SMIM7: variants seen among roughly 807,000 people sequenced by gnomAD.
SMIM7 encodes the protein UPF0608 protein C19orf42.
Under a neutral mutation model 13.3 loss-of-function variants are expected in SMIM7, and 12 were observed. The observed-to-expected ratio is 0.90, with a 90% confidence interval of 0.58 to 1.46. SMIM7 has a LOEUF of 1.46. Ranked by LOEUF, SMIM7 falls within the 40% of genes most tolerant of loss-of-function variation. SMIM7 has a pLI of 0.00. For missense variants in SMIM7, 114 were observed against 94.8 expected (o/e 1.20, Z -0.84); for synonymous variants, 36 against 35.8 (o/e 1.01, Z -0.02).
chr19:16,651,173 C>T (rs1180702116), intron 4 of SMIM7, among the ~76,000 whole-genome samples: 1 of 152,178 alleles, frequency 6.6e-6, no homozygotes, highest in Non-Finnish European at 1.5e-5. Context: ...CTTCTCTCAC[C>T]CATGGCCCCC....
intron 4 of SMIM7, among the ~76,000 whole-genome samples, chr19:16,650,760 C>T (rs926428445): frequency 6.6e-6 from 1 of 152,038 alleles, no homozygotes; most frequent in Non-Finnish European, 1.5e-5. Context: ...TGAACCATGC[C>T]CAGGCTCTGC....
chr19:16,650,057 C>A (rs1318876647), intron 4 of SMIM7, among the ~76,000 whole-genome samples: 1 of 152,194 alleles, frequency 6.6e-6, no homozygotes, highest in African/African-American at 2.4e-5. Flanking sequence ...ATAGCGGCTG[C>A]ATAATCCTGT....
chr19:16,659,879 A>C (rs2086651515), intron 2 of SMIM7, 80 bp downstream of exon 2: 2 of 1,527,104 alleles, frequency 1.3e-6, no homozygotes, highest in Admixed American at 3.9e-5. Context: ...GGGGCCTGAG[A>C]AGTGCGCCGA....
intron 4 of SMIM7, chr19:16,652,497 T>A: frequency 9.8e-7 from 1 of 1,016,158 alleles, no homozygotes; most frequent in African/African-American, 1.7e-5. Context: ...CCACTGCCCC[T>A]GGCCGTTCCT....
At chr19:16,659,837 G>A (rs2086650212) in intron 2 of SMIM7, 122 bp downstream of exon 2, 3 of 1,325,296 alleles carry the variant, frequency 2.3e-6, no homozygotes, top group African/African-American at 1.5e-5. Context: ...GTGCCCAGAG[G>A]GCGGATAGGG....
intron 4 of SMIM7, among the ~76,000 whole-genome samples, chr19:16,633,545 T>C (rs1568296262): frequency 6.6e-6 from 1 of 151,498 alleles, no homozygotes; most frequent in African/African-American, 2.4e-5. Context: ...ATTAAGTGTG[T>C]GCGTGTGTGT....
intron 4 of SMIM7, among the ~76,000 whole-genome samples, chr19:16,635,704 A>G (rs2086353519): frequency 6.6e-6 from 1 of 151,680 alleles, no homozygotes; most frequent in Admixed American, 6.6e-5. Context: ...CAACATGGTG[A>G]AATCCCATCT....
intron 3 of SMIM7, among the ~76,000 whole-genome samples, chr19:16,657,232 G>A (rs1033513295): frequency 3.3e-5 from 5 of 152,242 alleles, no homozygotes; most frequent in African/African-American, 7.2e-5. Flanking sequence ...AGCAGCAGGT[G>A]CAGCACCTGG....
intron 4 of SMIM7, among the ~76,000 whole-genome samples, chr19:16,638,287 CTCTTT>C (rs1306771123): frequency 3.3e-5 from 5 of 149,718 alleles, no homozygotes; most frequent in Non-Finnish European, 5.9e-5. Context: ...GCAATTAAAC[CTCTTT>C]TCTTTTTTCT....
At position 16,646,988 on chromosome 19, in the gene SMIM7, C is replaced by T; in HGVS notation, c.*258G>A. ...ATGGGGAATGCAATTTCATCACAGC[C>T]CCTTACATAAACGCTCCTGAAACCC... is the stretch of plus-strand genomic sequence containing the variant. On this transcript the variant is annotated 3_prime_UTR_variant, in exon 5 of 5. Coordinates refer to ENST00000487416, the MANE Select transcript of SMIM7 (RefSeq NM_024104.4). The T allele has an allele frequency of 1.7e-6, 1 of 572,944 alleles. No homozygotes were observed. Among genetic ancestry groups the T allele is most frequent in the Non-Finnish European group, 3.1e-6 (1 of 321,010 alleles). The allele number at this position is 572,944 out of a possible 1,614,324, so 35.5% of individuals were successfully genotyped here. A position where few individuals can be genotyped will look rare whatever the true frequency, so the allele number is the denominator to read the frequency against.
intron 4 of SMIM7, among the ~76,000 whole-genome samples, chr19:16,648,380 A>T (rs1394176593): frequency 6.6e-6 from 1 of 152,130 alleles, no homozygotes; most frequent in Non-Finnish European, 1.5e-5. Flanking sequence ...ACCTCAAGTG[A>T]TCCAACCGCC....
chr19:16,642,931 C>T (rs1471463103), downstream of SMIM7, among the ~76,000 whole-genome samples: 1 of 150,480 alleles, frequency 6.6e-6, no homozygotes, highest in Non-Finnish European at 1.5e-5. Flanking sequence ...TCAAGAGATT[C>T]TCCTGCGTCA....
At chr19:16,643,050 C>T (rs142280428), downstream of SMIM7, among the ~76,000 whole-genome samples, 1,562 of 152,250 alleles carry the variant, frequency 0.01, 16 homozygotes, top group Admixed American at 0.02. Flanking sequence ...GATCCACCCG[C>T]CTCGGCCTCC....
At chr19:16,641,759 C>T (rs1053072824), downstream of SMIM7, among the ~76,000 whole-genome samples, 2 of 152,134 alleles carry the variant, frequency 1.3e-5, no homozygotes, top group Non-Finnish European at 2.9e-5. Flanking sequence ...GCACGACACC[C>T]GGCTAGTTTT....
intron 4 of SMIM7, chr19:16,653,081 A>G (rs2086549539): frequency 8.5e-7 from 1 of 1,177,172 alleles, no homozygotes; most frequent in Admixed American, 2.5e-5. Context: ...CATATTTTCC[A>G]CCTCGGCAGA....
intron 4 of SMIM7, among the ~76,000 whole-genome samples, chr19:16,639,120 ATT>A (rs1286703534): frequency 1.6e-4 from 22 of 133,434 alleles, no homozygotes; most frequent in Non-Finnish European, 1.4e-4. Flanking sequence ...GTAAGATGTC[ATT>A]TTTTTTTTTT....
At position 16,647,143 on chromosome 19, in the gene SMIM7, G is replaced by A. The variant is rs150085396; in HGVS notation, c.*103C>T. Reference sequence around the variant, plus strand: ...ACCACGAGCTTGGACTTTCTGGGAAGGTTGTCGGTTTTCTGGTCAAAAACA... The same window carrying A: ...ACCACGAGCTTGGACTTTCTGGGAAAGTTGTCGGTTTTCTGGTCAAAAACA... On this transcript the variant is annotated 3_prime_UTR_variant, in exon 5 of 5. Transcript: ENST00000487416. 153 of 1,498,074 alleles carry A rather than the reference G, an allele frequency of 1.0e-4. 1 individual carries two copies. In the African/African-American group the frequency reaches 2.0e-3, roughly 19 times the overall value. The allele number at this position is 1,498,074 out of a possible 1,614,324, so 92.8% of individuals were successfully genotyped here.
intron 4 of SMIM7, among the ~76,000 whole-genome samples, chr19:16,639,207 C>T (rs906228229): frequency 2.0e-5 from 3 of 151,236 alleles, no homozygotes; most frequent in African/African-American, 4.9e-5. Context: ...CTGCAAGCTC[C>T]GCCCCCCCAG....
At position 16,638,024 on chromosome 19, in the gene SMIM7, G is replaced by A. The variant is rs533066696; in HGVS notation, c.*138-6300C>T. ...TGTAATCCCAGCACTTTGGGAGGCA[G>A]AGGTGGGTGGATCACTTGAGGTTAG... is the stretch of plus-strand genomic sequence containing the variant. On this transcript the variant is annotated intron_variant and NMD_transcript_variant, in intron 4 of 4. Coordinates refer to the SMIM7 transcript ENST00000465250. Among the ~76,000 whole-genome samples, 139 of 152,192 alleles carry A rather than the reference G, an allele frequency of 9.1e-4. 1 individual carries two copies. Among genetic ancestry groups the A allele is most frequent in the Middle Eastern group, 3.4e-3 (1 of 294 alleles).
Sources: gnomAD v4.1 joint callset for allele counts (sites outside exome capture counted in the v4.1 genomes callset) on GRCh38, gnomAD v4.1.1 for gene constraint, MANE v1.5 for transcripts, NCBI Gene and HGNC (gene_info 2026-07-23, HGNC 2026-07-21) for gene names.